PGBD5: variants seen among roughly 807,000 people sequenced by gnomAD.
The protein encoded by PGBD5 is piggyBac transposable element-derived protein 5.
A neutral mutation model predicts 47.9 loss-of-function variants in PGBD5; 14 were observed. The observed-to-expected ratio is 0.29, with a 90% CI of 0.19 to 0.46. The LOEUF (loss-of-function observed/expected upper bound fraction) is 0.46, where lower values mean the gene tolerates loss of function less well. Ranked by LOEUF, PGBD5 falls within the 20% of genes least tolerant of loss-of-function variation. PGBD5 has a pLI of 1.00. For missense variants in PGBD5, 635 were observed against 716.0 expected, an observed-to-expected ratio of 0.89 and a Z score of 1.29; for synonymous variants, 316 against 306.3, an observed-to-expected ratio of 1.03 and a Z score of -0.33.
chr1:230,377,688 T>C lies in PGBD5; in HGVS notation c.332-20367A>G, dbSNP rs903989629. 5.5e-6 allele frequency: 8 copies of C among 1,445,246 alleles called. No individual in the cohort carries two copies. In the African/African-American group the frequency reaches 8.6e-5, roughly 16 times the overall value. 89.5% of individuals were successfully genotyped at this position (1,445,246 alleles called of 1,614,324 possible). ...CCCACACAGCCTTCATTTCCCCATC[T>C]GTAAAATGGCAAAGATTAGAGTATC... is the stretch of plus-strand genomic sequence containing the variant. On this transcript the variant is annotated intron_variant, in intron 1 of 6. Transcript: ENST00000391860.
chr1:230,346,829 T>C (rs567008212), intron 3 of PGBD5, among the ~76,000 whole-genome samples: 6 of 152,262 alleles, frequency 3.9e-5, no homozygotes, highest in African/African-American at 1.4e-4. Context: ...TGAATATTTT[T>C]AACGTGTCCA....
rs115095726 is a variant in PGBD5 at position 230,400,833 on chromosome 1, C to T, written c.331+24765G>A. 7.0e-3 allele frequency among the ~76,000 whole-genome samples: 1,062 copies of T among 152,314 alleles called. 17 individuals are homozygous for T. Among genetic ancestry groups the T allele is most frequent in the African/African-American group, 0.025 (1,024 of 41,564 alleles). ...CCACTGCACTCTAGCCTGAGCAACA[C>T]AGCATGATCCCATCTCTAACAAAAA... On this transcript the variant is annotated intron_variant, in intron 1 of 6. Coordinates refer to ENST00000391860, the MANE Select transcript of PGBD5 (RefSeq NM_001258311.2).
rs891420866 is a variant in PGBD5 at position 230,425,056 on chromosome 1, A to T, written c.331+542T>A. On this transcript the variant is annotated intron_variant, in intron 1 of 6. Coordinates refer to ENST00000391860, the MANE Select transcript of PGBD5 (RefSeq NM_001258311.2). The surrounding 1 kb of genome is among the most constrained non-coding windows in gnomAD (Gnocchi z 4.7). ...GAGATCTGGAATGGCGCGGACAGGG[A>T]AAGTTTCTCAGATTAAGGAGAAAAC... 6.6e-6 allele frequency among the ~76,000 whole-genome samples: 1 copy of T among 152,148 alleles called. No homozygotes were observed. The highest frequency in any genetic ancestry group is 2.4e-5 in the African/African-American group (1 of 41,450).
intron 1 of PGBD5, among the ~76,000 whole-genome samples, chr1:230,378,543 G>A (rs1484496180): frequency 6.6e-6 from 1 of 152,288 alleles, no homozygotes; most frequent in Non-Finnish European, 1.5e-5. Context: ...GATGGGAGCT[G>A]GGATTTCTCC....
intron 1 of PGBD5, among the ~76,000 whole-genome samples, chr1:230,395,009 A>C (rs1471611848): frequency 6.5e-4 from 41 of 63,142 alleles, no homozygotes; most frequent in South Asian, 1.9e-3. Flanking sequence ...ACTCCTCCCC[A>C]TCCCCGAGCT....
intron 3 of PGBD5, among the ~76,000 whole-genome samples, chr1:230,341,778 T>C (rs539933885): frequency 3.3e-5 from 5 of 152,346 alleles, no homozygotes; most frequent in South Asian, 2.1e-4. Flanking sequence ...CAGCCAGTTA[T>C]AGACACTTCT....
rs3748014 is a variant in PGBD5 at position 230,322,984 on chromosome 1, T to C, written c.*441A>G. 552 of 169,190 alleles carry C rather than the reference T, an allele frequency of 3.3e-3. 8 individuals carry two copies. The highest frequency in any genetic ancestry group is 0.025 in the East Asian group (152 of 5,974). The allele number at this position is 169,190 out of a possible 1,614,324, so 10.5% of individuals were successfully genotyped here. On this transcript the variant is annotated 3_prime_UTR_variant, in exon 7 of 7. Transcript: ENST00000391860. This position sits in a 1 kb window ranked among gnomAD's most constrained non-coding sequence, Gnocchi z 5.9. Reference sequence around the variant, plus strand: ...CCTGACACCTGAGCCATTGTAACCATGCAGGGCGTCTTTGCTTCCTTCAAG... The same window carrying C: ...CCTGACACCTGAGCCATTGTAACCACGCAGGGCGTCTTTGCTTCCTTCAAG...
rs547686560 is a variant in PGBD5, at chr1:230,315,403, C to T, written c.*8022G>A. On this transcript the variant is annotated 3_prime_UTR_variant, in exon 7 of 7. Coordinates refer to ENST00000391860, the MANE Select transcript of PGBD5 (RefSeq NM_001258311.2). ...ATTCAGCCCCGGGAGCCACTCGGAT[C>T]AAGTCTGGCTGTATCCCGAGGGCGA... 10 of 138,938 alleles carry T rather than the reference C, an allele frequency of 7.2e-5. No individual in the cohort carries two copies. The highest frequency in any genetic ancestry group is 2.9e-4 in the African/African-American group (9 of 30,702). The allele number at this position is 138,938 out of a possible 1,614,324, so 8.6% of individuals were successfully genotyped here. A position where few individuals can be genotyped will look rare whatever the true frequency, so the allele number is the denominator to read the frequency against.
At chr1:230,353,559 G>A (rs1006878654) in intron 2 of PGBD5, among the ~76,000 whole-genome samples, 1 of 152,194 alleles carries the variant, frequency 6.6e-6, no homozygotes, top group African/African-American at 2.4e-5. Flanking sequence ...AGGCTGGAGG[G>A]TGCGAGTGAG....
intron 1 of PGBD5, among the ~76,000 whole-genome samples, chr1:230,386,525 T>G (rs1444652676): frequency 6.6e-6 from 1 of 152,242 alleles, no homozygotes; most frequent in African/African-American, 2.4e-5. Context: ...TTGTCAGTAC[T>G]GGGAGTGCCC....
chr1:230,386,486 C>T (rs565900058), intron 1 of PGBD5, among the ~76,000 whole-genome samples: 2 of 152,234 alleles, frequency 1.3e-5, no homozygotes, highest in South Asian at 2.1e-4. Context: ...TTCTTAAGAG[C>T]GTTTGATGGA....
intron 3 of PGBD5, among the ~76,000 whole-genome samples, chr1:230,345,539 T>C (rs1442817119): frequency 1.3e-5 from 2 of 152,226 alleles, no homozygotes; most frequent in East Asian, 3.9e-4. Context: ...GGTTAGTCCT[T>C]AGCAGGCCTG....
chr1:230,409,022 A>C (rs1320461836), intron 1 of PGBD5, among the ~76,000 whole-genome samples: 1 of 152,208 alleles, frequency 6.6e-6, no homozygotes, highest in Non-Finnish European at 1.5e-5. Flanking sequence ...AAAAAGACAA[A>C]TGACTCAATT....
At chr1:230,339,440 C>T (rs1667377586) in intron 3 of PGBD5, among the ~76,000 whole-genome samples, 1 of 152,128 alleles carries the variant, frequency 6.6e-6, no homozygotes. Context: ...TTACGGCAAA[C>T]AGTATGGAAG....
At chr1:230,408,876 C>T (rs1657352300) in intron 1 of PGBD5, among the ~76,000 whole-genome samples, 1 of 152,090 alleles carries the variant, frequency 6.6e-6, no homozygotes, top group Non-Finnish European at 1.5e-5. Flanking sequence ...AAATGTACAA[C>T]TTTTGTGCTT....
intron 1 of PGBD5, among the ~76,000 whole-genome samples, chr1:230,422,664 C>A (rs1410257499): frequency 1.3e-5 from 2 of 152,098 alleles, no homozygotes; most frequent in African/African-American, 4.8e-5. Context: ...GAAGAGTGGG[C>A]AAGGGCCCTC....
chr1:230,404,625 A>AG (rs1553290460), intron 1 of PGBD5, among the ~76,000 whole-genome samples: 1 of 125,990 alleles, frequency 7.9e-6, no homozygotes, highest in Admixed American at 8.9e-5. Context: ...AAAAAAAAAA[A>AG]AAAAATATAT....
At chr1:230,348,681 C>T (rs1291446864) in intron 3 of PGBD5, among the ~76,000 whole-genome samples, 2 of 152,244 alleles carry the variant, frequency 1.3e-5, no homozygotes, top group Non-Finnish European at 2.9e-5. Flanking sequence ...CAACTGTCCC[C>T]GGGTCATGTG....
chr1:230,359,248 G>A (rs558130122), intron 1 of PGBD5, among the ~76,000 whole-genome samples: 1 of 152,218 alleles, frequency 6.6e-6, no homozygotes, highest in South Asian at 2.1e-4. Flanking sequence ...TTTTAGTAGA[G>A]ACGGGGTTTT....
Sources: gnomAD v4.1 joint callset for allele counts (sites outside exome capture counted in the v4.1 genomes callset) on GRCh38, gnomAD v4.1.1 for gene constraint, Gnocchi (gnomAD v3.1) non-coding constraint, MANE v1.5 for transcripts, NCBI Gene and HGNC (gene_info 2026-07-23, HGNC 2026-07-21) for gene names.